TESK2: variants seen among roughly 807,000 people sequenced by gnomAD.
The protein encoded by TESK2 is dual specificity testis-specific protein kinase 2.
Under a neutral mutation model 57.1 loss-of-function variants are expected in TESK2, and 39 were observed. The ratio of observed to expected loss-of-function variants is 0.68; its 90% confidence interval spans 0.53 to 0.89. The LOEUF (loss-of-function observed/expected upper bound fraction) is 0.89, where lower values mean the gene tolerates loss of function less well. Among genes scored for constraint, TESK2 ranks in the 40% least tolerant of loss-of-function variants. TESK2 has a pLI of 0.00. For missense variants in TESK2, 646 were observed against 732.1 expected (o/e 0.88, Z 1.36); for synonymous variants, 249 against 267.9 (o/e 0.93, Z 0.69).
intron 3 of TESK2, among the ~76,000 whole-genome samples, chr1:45,400,879 G>A (rs761962906): frequency 6.6e-6 from 1 of 151,618 alleles, no homozygotes; most frequent in African/African-American, 2.4e-5. Context: ...AAAATTAACC[G>A]GATGTGGTGG....
intron 3 of TESK2, among the ~76,000 whole-genome samples, chr1:45,394,679 CTTTTTTTTTTTTTTTTT>C (rs5773871): frequency 1.2e-4 from 7 of 57,400 alleles, no homozygotes; most frequent in Non-Finnish European, 2.1e-4. Flanking sequence ...ACAGGAAACT[CTTTTTTTTTTTTTTTTT>C]TTTTTTTTTT....
At chr1:45,467,903 T>G (rs1292339519) in intron 1 of TESK2, among the ~76,000 whole-genome samples, 2 of 152,108 alleles carry the variant, frequency 1.3e-5, no homozygotes, top group African/African-American at 4.8e-5. Flanking sequence ...GTGGGATCAC[T>G]GGCTCACGTC....
At chr1:45,373,799 G>C (rs1648298919) in intron 4 of TESK2, among the ~76,000 whole-genome samples, 1 of 152,150 alleles carries the variant, frequency 6.6e-6, no homozygotes, top group African/African-American at 2.4e-5. Context: ...TCAGGCACAG[G>C]GATGCAGAAA....
intron 5 of TESK2, among the ~76,000 whole-genome samples, chr1:45,350,352 G>A (rs1647214154): frequency 6.6e-6 from 1 of 152,134 alleles, no homozygotes; most frequent in South Asian, 2.1e-4. Context: ...TATTAACACT[G>A]AATAAAGCCA....
At chr1:45,470,658 G>GT (rs1261568296) in intron 1 of TESK2, among the ~76,000 whole-genome samples, 1 of 152,190 alleles carries the variant, frequency 6.6e-6, no homozygotes, top group Non-Finnish European at 1.5e-5. Context: ...TAGGGTGAAA[G>GT]TTATAAAGGC....
chr1:45,410,761 TTTTA>T (rs1650007826), intron 3 of TESK2, among the ~76,000 whole-genome samples: 1 of 151,512 alleles, frequency 6.6e-6, no homozygotes, highest in South Asian at 2.1e-4. Flanking sequence ...TATTTATTTA[TTTTA>T]TTTTTTATTT....
chr1:45,383,445 G>A (rs1057494150), intron 4 of TESK2, among the ~76,000 whole-genome samples: 2 of 152,032 alleles, frequency 1.3e-5, no homozygotes, highest in Non-Finnish European at 2.9e-5. Context: ...TCTCATTAAT[G>A]CTGCTGGAAA....
At chr1:45,471,163 A>G (rs1652748172) in intron 1 of TESK2, among the ~76,000 whole-genome samples, 1 of 151,980 alleles carries the variant, frequency 6.6e-6, no homozygotes, top group Non-Finnish European at 1.5e-5. Flanking sequence ...CCCAGGAGGC[A>G]GAGGTTGCAG....
intron 1 of TESK2, among the ~76,000 whole-genome samples, chr1:45,462,570 C>G (rs1289398650): frequency 1.2e-4 from 18 of 152,220 alleles, no homozygotes. Flanking sequence ...CCGCGCCCGG[C>G]AGAGGATCTC....
chr1:45,444,049 C>A (rs1382678157), intron 2 of TESK2, among the ~76,000 whole-genome samples: 1 of 151,956 alleles, frequency 6.6e-6, no homozygotes, highest in Non-Finnish European at 1.5e-5. Context: ...TGTGGTGGCA[C>A]ATGCCTGCAG....
At chr1:45,348,598 C>T (rs1647185145) in intron 5 of TESK2, among the ~76,000 whole-genome samples, 2 of 152,258 alleles carry the variant, frequency 1.3e-5, no homozygotes, top group African/African-American at 2.4e-5. Context: ...CCAAACTTGT[C>T]ACAGACAAGC....
At chr1:45,420,303 A>G (rs2492839) in intron 3 of TESK2, among the ~76,000 whole-genome samples, 148,167 of 152,204 alleles carry the variant, frequency 0.97, 72,261 homozygotes, top group East Asian at 1. Flanking sequence ...GCAGTGCTGC[A>G]ATCATGGCTC....
At chr1:45,353,554 C>G (rs943458406) in intron 5 of TESK2, among the ~76,000 whole-genome samples, 3 of 152,178 alleles carry the variant, frequency 2.0e-5, no homozygotes, top group African/African-American at 7.2e-5. Context: ...TCCCCTTCAT[C>G]TGGGGCAGAA....
chr1:45,389,246 C>T (rs935883292), intron 3 of TESK2, among the ~76,000 whole-genome samples: 1 of 152,066 alleles, frequency 6.6e-6, no homozygotes, highest in East Asian at 1.9e-4. Flanking sequence ...AGACCTGAGA[C>T]CTCGTCATAT....
At chr1:45,432,547 C>A (rs1439663437) in intron 2 of TESK2, among the ~76,000 whole-genome samples, 1 of 150,324 alleles carries the variant, frequency 6.7e-6, no homozygotes, top group Non-Finnish European at 1.5e-5. Context: ...AAAAATTAGC[C>A]GGGCATGGTG....
chr1:45,442,721 G>T (rs191246833), intron 2 of TESK2, among the ~76,000 whole-genome samples: 40 of 152,318 alleles, frequency 2.6e-4, no homozygotes, highest in African/African-American at 8.4e-4. Context: ...ACACACATGT[G>T]CCACTTCCAC....
At chr1:45,376,939 G>T (rs1036216280) in intron 4 of TESK2, among the ~76,000 whole-genome samples, 4 of 152,184 alleles carry the variant, frequency 2.6e-5, no homozygotes, top group Admixed American at 6.5e-5. Context: ...AAGAAAACAG[G>T]TCAGGTGTGA....
At chr1:45,430,655 T>G (rs1650910729) in intron 2 of TESK2, among the ~76,000 whole-genome samples, 1 of 152,226 alleles carries the variant, frequency 6.6e-6, no homozygotes. Flanking sequence ...AGGGTTAGTT[T>G]GTACTGTAGC....
intron 1 of TESK2, among the ~76,000 whole-genome samples, chr1:45,486,818 C>CACACAT (rs796420228): frequency 4.3e-5 from 6 of 140,180 alleles, no homozygotes; most frequent in East Asian, 2.0e-4. Context: ...CACACACACA[C>CACACAT]ATATATACAT....
Sources: gnomAD v4.1 joint callset for allele counts (sites outside exome capture counted in the v4.1 genomes callset) on GRCh38, gnomAD v4.1.1 for gene constraint, MANE v1.5 for transcripts, NCBI Gene and HGNC (gene_info 2026-07-23, HGNC 2026-07-21) for gene names.